Variants in PRMT2 observed in about 807,000 individuals in gnomAD.
The protein encoded by PRMT2 is protein arginine methyltransferase 2, also known as protein arginine N-methyltransferase 2.
Under a neutral mutation model 57.6 loss-of-function variants are expected in PRMT2, and 26 were observed. The observed-to-expected ratio is 0.45, with a 90% confidence interval of 0.33 to 0.63. The LOEUF (loss-of-function observed/expected upper bound fraction) is 0.63, where lower values mean the gene tolerates loss of function less well. Ranked by LOEUF, PRMT2 falls within the 20% of genes least tolerant of loss-of-function variation. The pLI is 0.02. For synonymous variants in PRMT2, 219 were observed against 220.0 expected (o/e 1.00, Z 0.04); for missense variants, 472 against 564.4 (o/e 0.84, Z 1.66).
intron 7 of PRMT2, among the ~76,000 whole-genome samples, chr21:46,655,213 G>A (rs544405938): frequency 6.6e-6 from 1 of 152,072 alleles, no homozygotes; most frequent in Non-Finnish European, 1.5e-5. Context: ...ATTATATGAG[G>A]TAAGCATTGC....
intron 7 of PRMT2, chr21:46,651,807 C>T: frequency 6.2e-7 from 1 of 1,613,000 alleles, no homozygotes; most frequent in Non-Finnish European, 8.5e-7. Context: ...CGTCCCCAGG[C>T]TGCGCCTCTC....
chr21:46,645,837 C>T (rs780164298), intron 5 of PRMT2, among the ~76,000 whole-genome samples: 2 of 151,998 alleles, frequency 1.3e-5, no homozygotes, highest in African/African-American at 4.8e-5. Context: ...CTGCCACAGC[C>T]TCCTGTGTAC....
chr21:46,645,082 T>G (rs2148973172), intron 5 of PRMT2, among the ~76,000 whole-genome samples: 1 of 147,374 alleles, frequency 6.8e-6, no homozygotes, highest in Non-Finnish European at 1.5e-5. Context: ...AAAATATAAT[T>G]CGTCTCTACA....
At position 46,643,610 on chromosome 21, in the gene PRMT2, G is replaced by A. The variant is rs936018759; in HGVS notation, c.115G>A (p.Ala39Thr). 1 of 1,610,522 alleles carries A rather than the reference G, an allele frequency of 6.2e-7. No homozygotes were observed. Among genetic ancestry groups the A allele is most frequent in the South Asian group, 1.1e-5 (1 of 90,724 alleles). Residue 39 changes from alanine to threonine, a missense_variant, in exon 4 of 12, where the codon GCG becomes ACG. Transcript: ENST00000355680. ...GVQPEEFVAI[A>T]DYAATDETQL... is the part of the protein sequence containing the mutation. ...ACAGCCAGAGGAGTTTGTGGCCATCGCGGACTACGCTGCCACCGATGAGAC... is the reference window on the plus strand; with the variant it reads ...ACAGCCAGAGGAGTTTGTGGCCATCACGGACTACGCTGCCACCGATGAGAC...
rs561986019 is a variant in PRMT2 at position 46,651,890 on chromosome 21, C to G, written c.654+2151C>G. On this transcript the variant is annotated intron_variant, in intron 7 of 11. Transcript: ENST00000355680. ...CGTCCTCCTGGCCTGCTGTCTGCCT[C>G]TCCCCTGCACCTGTGCGTCTGTCCC... The G allele has an allele frequency of 1.9e-6, 3 of 1,613,068 alleles. No individual in the cohort carries two copies. The South Asian group carries it at 3.3e-5, about 18-fold the overall frequency.
chr21:46,652,351 AT>A, intron 7 of PRMT2: 2 of 1,128,414 alleles, frequency 1.8e-6, no homozygotes, highest in Non-Finnish European at 2.2e-6. Flanking sequence ...GCTAAAAACT[AT>A]TAAATGGTAA....
At chr21:46,663,039 C>T (rs982238034) in intron 10 of PRMT2, among the ~76,000 whole-genome samples, 2 of 152,156 alleles carry the variant, frequency 1.3e-5, no homozygotes, top group Non-Finnish European at 2.9e-5. Context: ...CCCTGAGCTC[C>T]CGCATCCTCT....
intron 7 of PRMT2, chr21:46,654,936 A>G (rs2148993687): frequency 1.0e-6 from 1 of 983,446 alleles, no homozygotes; most frequent in Non-Finnish European, 1.2e-6. Flanking sequence ...TAGAGTGTAC[A>G]TACATAGAGT....
chr21:46,652,703 T>A, intron 7 of PRMT2: 1 of 1,129,602 alleles, frequency 8.9e-7, no homozygotes, highest in Non-Finnish European at 1.1e-6. Flanking sequence ...CATTAAAATT[T>A]TTTTGTTTTT....
intron 10 of PRMT2, among the ~76,000 whole-genome samples, chr21:46,662,767 A>AC (rs1019829397): frequency 1.3e-5 from 2 of 152,196 alleles, no homozygotes; most frequent in Admixed American, 1.3e-4. Flanking sequence ...TGAGGAACTT[A>AC]GAGATGTTTC....
chr21:46,660,409 A>G (rs2061602035), intron 8 of PRMT2, among the ~76,000 whole-genome samples: 1 of 152,190 alleles, frequency 6.6e-6, no homozygotes, highest in Admixed American at 6.5e-5. Context: ...TACCGCGTTC[A>G]TTTACTGTTA....
rs1310776733 is a variant in PRMT2, at chr21:46,648,484, C to T, written c.354C>T (p.Asp118=). 1 of 1,614,034 alleles carries T rather than the reference C, an allele frequency of 6.2e-7. No homozygotes were observed. Among genetic ancestry groups the T allele is most frequent in the African/African-American group, 1.3e-5 (1 of 74,924 alleles). The change falls in exon 6 of 12, where the codon GAC becomes GAT. Residue 118 remains aspartate (D), a synonymous_variant. Coordinates refer to ENST00000355680, the MANE Select transcript of PRMT2 (RefSeq NM_206962.4). The surrounding 1 kb of genome is among the most constrained non-coding windows in gnomAD (Gnocchi z 4.8). ...TLKLHLEMLA[D]QPRTTKYHSV... is the part of the protein sequence containing the mutation. ...AACTCCACTTGGAGATGTTGGCAGACCAGCCACGAACAACTAAATACCACA... is the reference window on the plus strand; with the variant it reads ...AACTCCACTTGGAGATGTTGGCAGATCAGCCACGAACAACTAAATACCACA...
chr21:46,638,980 CCTTT>C (rs1416456818), intron 3 of PRMT2, among the ~76,000 whole-genome samples: 1 of 152,054 alleles, frequency 6.6e-6, no homozygotes, highest in South Asian at 2.1e-4. Context: ...TGATTTTAAA[CCTTT>C]CTTTAATAGT....
chr21:46,644,572 C>A, intron 5 of PRMT2, 84 bp downstream of exon 5: 2 of 1,374,780 alleles, frequency 1.5e-6, no homozygotes, highest in Non-Finnish European at 2.0e-6. Flanking sequence ...TCAGAGCAGG[C>A]CCATAGTCTT....
At chr21:46,661,076 A>G (rs2061612716) in intron 9 of PRMT2, 114 bp downstream of exon 9, 4 of 1,025,492 alleles carry the variant, frequency 3.9e-6, no homozygotes, top group Non-Finnish European at 5.4e-6. Flanking sequence ...TGAGTGAATA[A>G]CTAATTATTT....
In PRMT2 at chr21:46,652,156, C is replaced by T. The variant is rs190554090; in HGVS notation, c.654+2417C>T. 1.6e-5 allele frequency: 23 copies of T among 1,437,216 alleles called. No homozygotes were observed. In the East Asian group the frequency reaches 5.8e-4, roughly 36 times the overall value. The allele number at this position is 1,437,216 out of a possible 1,614,324, so 89.0% of individuals were successfully genotyped here. Reference sequence around the variant, plus strand: ...TTTGGAGAAAAGAGGCCCTTCTTCACACCATCTGCTAAAATAAACCTCAGA... The same window carrying T: ...TTTGGAGAAAAGAGGCCCTTCTTCATACCATCTGCTAAAATAAACCTCAGA... On this transcript the variant is annotated intron_variant, in intron 7 of 11. Coordinates refer to ENST00000355680, the MANE Select transcript of PRMT2 (RefSeq NM_206962.4).
chr21:46,636,802 T>A (rs1483790950), intron 2 of PRMT2, 94 bp from the exon 3 acceptor site: 11 of 662,260 alleles, frequency 1.7e-5, no homozygotes, highest in Non-Finnish European at 5.0e-6. Flanking sequence ...TACTTCTATT[T>A]GGTAGAGGAC....
intron 2 of PRMT2, 127 bp from the exon 3 acceptor site, chr21:46,636,769 C>G (rs2061178817): frequency 8.8e-6 from 5 of 569,710 alleles, no homozygotes; most frequent in Non-Finnish European, 1.5e-5. Flanking sequence ...CATTTCTACA[C>G]TAATCTTCAC....
rs1193753682 is a variant in PRMT2 at position 46,664,737 on chromosome 21, C to T, written c.*410C>T. Reference sequence around the variant, plus strand: ...TCCTATGTTAGTGGTGCCCTTACTGCCGTCGCTCATCCACTCGTGTGGGAC... The same window carrying T: ...TCCTATGTTAGTGGTGCCCTTACTGTCGTCGCTCATCCACTCGTGTGGGAC... On this transcript the variant is annotated 3_prime_UTR_variant, in exon 12 of 12. Transcript: ENST00000355680. 4.1e-6 allele frequency: 1 copy of T among 243,544 alleles called. No individual in the cohort carries two copies. Among genetic ancestry groups the T allele is most frequent in the Admixed American group, 4.8e-5 (1 of 20,768 alleles). The allele number at this position is 243,544 out of a possible 1,614,324, so 15.1% of individuals were successfully genotyped here. A position where few individuals can be genotyped will look rare whatever the true frequency, so the allele number is the denominator to read the frequency against.
Sources: gnomAD v4.1 joint callset for allele counts (sites outside exome capture counted in the v4.1 genomes callset) on GRCh38, gnomAD v4.1.1 for gene constraint, Gnocchi (gnomAD v3.1) non-coding constraint, MANE v1.5 for transcripts, NCBI Gene and HGNC (gene_info 2026-07-23, HGNC 2026-07-21) for gene names.